Variants in FOXN3 observed in about 807,000 individuals in gnomAD.
FOXN3 encodes forkhead box N3, also known as forkhead box protein N3.
Under a neutral mutation model 38.4 loss-of-function variants are expected in FOXN3, and 7 were observed. That is an observed-to-expected ratio of 0.18 (90% confidence interval 0.10 to 0.34). The LOEUF (loss-of-function observed/expected upper bound fraction) is 0.34, where lower values mean the gene tolerates loss of function less well. Ranked by LOEUF, FOXN3 falls within the 10% of genes least tolerant of loss-of-function variation. FOXN3 has a pLI of 1.00. For missense variants in FOXN3, 456 were observed against 613.4 expected (o/e 0.74, Z 2.71); for synonymous variants, 230 against 242.2 (o/e 0.95, Z 0.47).
chr14:89,446,313 C>T (rs985819538), intron 1 of FOXN3, among the ~76,000 whole-genome samples: 7 of 150,078 alleles, frequency 4.7e-5, no homozygotes, highest in African/African-American at 1.5e-4. Context: ...CTCAGCCTCC[C>T]GAGTAGCTGG....
chr14:89,465,551 C>T (rs998837619), intron 1 of FOXN3, among the ~76,000 whole-genome samples: 6 of 152,162 alleles, frequency 3.9e-5, no homozygotes, highest in South Asian at 2.1e-4. Context: ...AGCATGAGAA[C>T]GGACTAATAC....
chr14:89,475,669 A>T (rs1211015276), intron 1 of FOXN3, among the ~76,000 whole-genome samples: 3 of 152,194 alleles, frequency 2.0e-5, no homozygotes, highest in Non-Finnish European at 4.4e-5. Context: ...AAAAAAAATA[A>T]CAATTTAAAA....
At chr14:89,197,566 T>C (rs1021014771) in intron 4 of FOXN3, among the ~76,000 whole-genome samples, 1 of 151,682 alleles carries the variant, frequency 6.6e-6, no homozygotes, top group Non-Finnish European at 1.5e-5. Context: ...CCCTAGCACC[T>C]AGAACAGTGC....
chr14:89,513,953 C>T (rs961909531), intron 1 of FOXN3, among the ~76,000 whole-genome samples: 5 of 152,038 alleles, frequency 3.3e-5, no homozygotes, highest in Admixed American at 3.3e-4. Flanking sequence ...CACGCACACA[C>T]GCCCTCTCCT....
Position 89,182,928 on chromosome 14 carries a change from A to G in FOXN3, c.746-2122T>C, listed in dbSNP as rs116263199. ...CCATTTGGGAAAAAAATGAACCTTGAGCCTTACACCTCATACCACATATAA... is the reference window on the plus strand; with the variant it reads ...CCATTTGGGAAAAAAATGAACCTTGGGCCTTACACCTCATACCACATATAA... On this transcript the variant is annotated intron_variant, in intron 4 of 5. Transcript: ENST00000557258. Among the ~76,000 whole-genome samples, 748 of 152,360 alleles carry G rather than the reference A, an allele frequency of 4.9e-3. 9 individuals carry two copies. Among genetic ancestry groups the G allele is most frequent in the African/African-American group, 0.017 (708 of 41,580 alleles).
At chr14:89,544,086 G>A (rs551816949) in intron 1 of FOXN3, among the ~76,000 whole-genome samples, 5 of 151,926 alleles carry the variant, frequency 3.3e-5, no homozygotes, top group Admixed American at 6.6e-5. Flanking sequence ...TTTTTTTTAA[G>A]AGATTGCTTT....
chr14:89,291,505 C>T, intron 3 of FOXN3: 1 of 593,694 alleles, frequency 1.7e-6, no homozygotes, highest in South Asian at 1.4e-5. Context: ...CCCCGCCATC[C>T]CCAGGGGGCC....
chr14:89,180,361 G>C (rs1887634375), intron 5 of FOXN3, among the ~76,000 whole-genome samples: 1 of 152,120 alleles, frequency 6.6e-6, no homozygotes, highest in Admixed American at 6.5e-5. Context: ...GACAGGACTG[G>C]GTCTTGCGCT....
chr14:89,395,059 A>G (rs773366596), intron 2 of FOXN3, among the ~76,000 whole-genome samples: 22 of 152,222 alleles, frequency 1.4e-4, no homozygotes, highest in Middle Eastern at 3.2e-3. Context: ...TCACGCGTTC[A>G]TGTGCAACAT....
At chr14:89,291,004 T>G in intron 3 of FOXN3, 1 of 445,994 alleles carries the variant, frequency 2.2e-6, no homozygotes, top group South Asian at 1.7e-5. Flanking sequence ...GTGAGGCCCG[T>G]GGTGTGGTGC....
At chr14:89,168,781 T>TA (rs535600729) in intron 5 of FOXN3, among the ~76,000 whole-genome samples, 189 of 151,970 alleles carry the variant, frequency 1.2e-3, no homozygotes, top group African/African-American at 4.3e-3. Flanking sequence ...CCATGCGGGA[T>TA]AAAAAAAATA....
At chr14:89,490,502 G>A (rs1287070315) in intron 1 of FOXN3, among the ~76,000 whole-genome samples, 1 of 152,176 alleles carries the variant, frequency 6.6e-6, no homozygotes, top group South Asian at 2.1e-4. Context: ...CACCTGGGGC[G>A]CTAACCAACT....
rs527909650 is a variant in FOXN3 at position 89,588,630 on chromosome 14, C to T, written c.-15+30398G>A. The stretch of plus-strand genomic sequence containing the variant: ...CCTCCACAGATATCACCATGCCCAA[C>T]CAAATACTGGAAAGGTGTTGGGTAG... On this transcript the variant is annotated intron_variant, in intron 1 of 6. Transcript: ENST00000345097. 5.0e-4 allele frequency among the ~76,000 whole-genome samples: 76 copies of T among 152,270 alleles called. 1 individual carries two copies. The highest frequency in any genetic ancestry group is 1.4e-3 in the African/African-American group (59 of 41,548).
intron 2 of FOXN3, among the ~76,000 whole-genome samples, chr14:89,366,655 T>C (rs1295272332): frequency 2.0e-5 from 3 of 152,302 alleles, no homozygotes; most frequent in Admixed American, 6.5e-5. Flanking sequence ...TTTCTAAGCA[T>C]ATTGAATGAA....
intron 4 of FOXN3, among the ~76,000 whole-genome samples, chr14:89,233,839 T>G (rs1031152613): frequency 6.6e-6 from 1 of 152,248 alleles, no homozygotes; most frequent in Admixed American, 6.5e-5. Flanking sequence ...TTGGAGTAAA[T>G]GAACTCAAGG....
At chr14:89,254,974 G>A (rs1011273391) in intron 4 of FOXN3, among the ~76,000 whole-genome samples, 2 of 152,112 alleles carry the variant, frequency 1.3e-5, no homozygotes, top group African/African-American at 4.8e-5. Flanking sequence ...CTTGTGTATC[G>A]ATTCAGAGCT....
intron 4 of FOXN3, among the ~76,000 whole-genome samples, chr14:89,261,121 G>C (rs1051925424): frequency 7.9e-5 from 12 of 152,224 alleles, no homozygotes; most frequent in Admixed American, 7.2e-4. Flanking sequence ...ATAGCAGTGG[G>C]TTGGGGCCAA....
chr14:89,294,955 C>T (rs562034937), intron 3 of FOXN3, among the ~76,000 whole-genome samples: 1 of 152,256 alleles, frequency 6.6e-6, no homozygotes, highest in Admixed American at 6.5e-5. Flanking sequence ...ATCCAAGAGC[C>T]TCCTCTTGGA....
At chr14:89,447,093 G>A (rs1892517441) in intron 1 of FOXN3, among the ~76,000 whole-genome samples, 2 of 152,012 alleles carry the variant, frequency 1.3e-5, no homozygotes, top group Non-Finnish European at 2.9e-5. Flanking sequence ...CTACTGGGGA[G>A]GCTGAGGCAG....
Sources: allele counts gnomAD v4.1 joint callset (sites outside exome capture counted in the v4.1 genomes callset), GRCh38; gene constraint gnomAD v4.1.1; transcripts MANE v1.5; gene names NCBI Gene and HGNC (gene_info 2026-07-23, HGNC 2026-07-21).